The following DHTKD1 variants were observed in gnomAD, a reference collection of about 807,000 sequenced individuals.
DHTKD1 encodes dehydrogenase E1 and transketolase domain containing 1, also known as 2-oxoadipate dehydrogenase complex component E1.
Under a neutral mutation model 101.8 loss-of-function variants are expected in DHTKD1, and 78 were observed. The observed-to-expected ratio is 0.77, with a 90% CI of 0.64 to 0.93. The LOEUF (loss-of-function observed/expected upper bound fraction) is 0.93. DHTKD1 is among the 40% of genes least tolerant of loss of function. The pLI is 0.00. For missense variants in DHTKD1, 1,223 were observed against 1,161.7 expected, an observed-to-expected ratio of 1.05 and a Z score of -0.77; for synonymous variants, 462 against 450.3, an observed-to-expected ratio of 1.03 and a Z score of -0.33.
rs1255877300 is a variant in DHTKD1 at position 12,123,099 on chromosome 10, A to G, written c.*2211A>G. The G allele has an allele frequency of 1.3e-5, 2 of 152,200 alleles. No homozygotes were observed. 9.4% of individuals were successfully genotyped at this position (152,200 alleles called of 1,614,324 possible). On this transcript the variant is annotated 3_prime_UTR_variant, in exon 17 of 17. Coordinates refer to ENST00000263035, the MANE Select transcript of DHTKD1 (RefSeq NM_018706.7). ...CTTCCTGTGTCAAGCCTTATAAATC[A>G]TGTAATTTAGTGCCACTCATGTAAA...
chr10:12,085,653 C>T (rs946782438), intron 3 of DHTKD1, among the ~76,000 whole-genome samples: 2 of 151,988 alleles, frequency 1.3e-5, no homozygotes, highest in African/African-American at 2.4e-5. Context: ...CTTAGGTGGG[C>T]GTATTGCTTG....
Position 12,121,260 on chromosome 10 carries a change from C to T in DHTKD1, c.*372C>T. 1 of 218,716 alleles carries T rather than the reference C, an allele frequency of 4.6e-6. No homozygotes were observed. The highest frequency in any genetic ancestry group is 9.3e-6 in the Non-Finnish European group (1 of 107,754). 13.5% of individuals were successfully genotyped at this position (218,716 alleles called of 1,614,324 possible). On this transcript the variant is annotated 3_prime_UTR_variant, in exon 17 of 17. Transcript: ENST00000263035. ...AAAACCCATTAAAAGAGGCCTCCTT[C>T]CTCCACTCTCTCAACCCCTCTGTTG...
chr10:12,078,605 C>T (rs898543706), intron 1 of DHTKD1, among the ~76,000 whole-genome samples: 6 of 152,152 alleles, frequency 3.9e-5, no homozygotes, highest in Middle Eastern at 3.4e-3. Context: ...AGTGAGACTC[C>T]GTCTCAAAAA....
rs201559023 is a variant in DHTKD1, at chr10:12,097,707, C to T, written c.1382C>T (p.Thr461Ile). ...IIRARKSIPDTYAEHLIAGGL... is the reference protein window; with the variant it reads ...IIRARKSIPDIYAEHLIAGGL... ...AGAGCTCGAAAGAGCATTCCAGACA[C>T]ATATGCAGAGCACCTCATTGCTGGC... The change falls in exon 8 of 17, where the codon ACA (threonine) becomes ATA (isoleucine). Residue 461 changes from threonine (T) to isoleucine (I), a missense_variant. Transcript: ENST00000263035. The T allele has an allele frequency of 1.9e-6, 3 of 1,613,486 alleles. No individual in the cohort carries two copies. The highest frequency in any genetic ancestry group is 8.5e-7 in the Non-Finnish European group (1 of 1,179,634).
In DHTKD1 at chr10:12,118,863, C is replaced by A. The variant is rs1376782934; in HGVS notation, c.2517C>A (p.Cys839Ter). Residue 839 changes from cysteine (C) to a stop codon, truncating the protein, a stop_gained, in exon 15 of 17, where the codon TGC becomes TGA. Transcript: ENST00000263035. LOFTEE classifies it high-confidence loss of function. ...DFAIIRVEELCPFPLDSLQQE... is the reference protein window; with the variant it reads ...DFAIIRVEEL The stretch of plus-strand genomic sequence containing the variant: ...CCATCATCCGAGTAGAGGAACTCTG[C>A]CCCTTCCCGTTGGATTCTTTACAGC... 2 of 1,607,416 alleles carry A rather than the reference C, an allele frequency of 1.2e-6. No homozygotes were observed. Among genetic ancestry groups the A allele is most frequent in the East Asian group, 4.5e-5 (2 of 44,290 alleles).
At chr10:12,091,735 T>G in intron 6 of DHTKD1, 51 bp downstream of exon 6, 113 of 1,485,442 alleles carry the variant, frequency 7.6e-5, no homozygotes, top group Non-Finnish European at 9.6e-5. Context: ...ATGGAATTCC[T>G]AGGGAAACCT....
At chr10:12,093,011 G>A (rs990720570) in intron 6 of DHTKD1, among the ~76,000 whole-genome samples, 1 of 151,156 alleles carries the variant, frequency 6.6e-6, no homozygotes, top group East Asian at 1.9e-4. Flanking sequence ...CTTAGTAGCT[G>A]CGATTTACAG....
Position 12,088,968 on chromosome 10 carries a change from TGAA to T in DHTKD1, c.718-17_718-15del. 6.2e-7 allele frequency: 1 copy of T among 1,601,732 alleles called. No homozygotes were observed. The highest frequency in any genetic ancestry group is 8.5e-7 in the Non-Finnish European group (1 of 1,171,142). On this transcript the variant is annotated splice_polypyrimidine_tract_variant and intron_variant, in intron 4 of 16. Coordinates refer to ENST00000263035, the MANE Select transcript of DHTKD1 (RefSeq NM_018706.7). ...GTGATGAATGCCATTTTTTTCCTTT[TGAA>T]TGTATCCACAATAGCTGATGTTCCG...
intron 7 of DHTKD1, among the ~76,000 whole-genome samples, chr10:12,095,676 G>T (rs1400785469): frequency 2.0e-5 from 3 of 151,838 alleles, no homozygotes; most frequent in African/African-American, 4.8e-5. Flanking sequence ...AGCCGGGCGT[G>T]GTGGCGGGCG....
intron 13 of DHTKD1, among the ~76,000 whole-genome samples, chr10:12,115,755 G>T (rs954592974): frequency 2.0e-5 from 3 of 152,036 alleles, no homozygotes; most frequent in Non-Finnish European, 4.4e-5. Flanking sequence ...CCATTTTTCT[G>T]ATGGGGCTCT....
intron 1 of DHTKD1, among the ~76,000 whole-genome samples, chr10:12,077,881 C>G (rs753531297): frequency 2.5e-4 from 37 of 147,990 alleles, no homozygotes; most frequent in Non-Finnish European, 4.5e-4. Context: ...GAGGTGGAGA[C>G]AGAGAGGGAA....
At chr10:12,099,611 C>T (rs1314883920) in intron 8 of DHTKD1, among the ~76,000 whole-genome samples, 2 of 152,018 alleles carry the variant, frequency 1.3e-5, no homozygotes, top group Non-Finnish European at 2.9e-5. Flanking sequence ...TCACTTGAAC[C>T]AGGGAGGCTG....
intron 12 of DHTKD1, among the ~76,000 whole-genome samples, chr10:12,111,575 T>C (rs1833331166): frequency 6.6e-6 from 1 of 152,196 alleles, no homozygotes; most frequent in African/African-American, 2.4e-5. Flanking sequence ...CTGAGTGATT[T>C]CCTTGCATTG....
At chr10:12,090,694 C>T (rs1832978081) in intron 5 of DHTKD1, among the ~76,000 whole-genome samples, 1 of 151,944 alleles carries the variant, frequency 6.6e-6, no homozygotes, top group Admixed American at 6.6e-5. Context: ...GCTGGGTTGG[C>T]CAAGCTGGTT....
At chr10:12,095,982 C>G (rs1472241201) in intron 7 of DHTKD1, among the ~76,000 whole-genome samples, 4 of 152,086 alleles carry the variant, frequency 2.6e-5, no homozygotes, top group Admixed American at 6.6e-5. Flanking sequence ...GCATTCCAGC[C>G]TGGGCGACAG....
At chr10:12,104,724 T>G (rs904048406) in intron 10 of DHTKD1, among the ~76,000 whole-genome samples, 3 of 152,078 alleles carry the variant, frequency 2.0e-5, no homozygotes, top group Non-Finnish European at 2.9e-5. Flanking sequence ...TTTTCCATCT[T>G]GAACCATCTG....
intron 1 of DHTKD1, among the ~76,000 whole-genome samples, chr10:12,080,421 A>C (rs1285999359): frequency 6.6e-6 from 1 of 151,992 alleles, no homozygotes; most frequent in Non-Finnish European, 1.5e-5. Context: ...TATAAGTTTT[A>C]AAATATGTGG....
At position 12,097,988 on chromosome 10, in the gene DHTKD1, C is replaced by T; in HGVS notation, c.1663C>T (p.His555Tyr). Residue 555 changes from histidine (H) to tyrosine (Y), a missense_variant, in exon 8 of 17, where the codon CAT becomes TAT. His to Tyr is a moderately conservative substitution (Grantham distance 83). Coordinates refer to ENST00000263035, the MANE Select transcript of DHTKD1 (RefSeq NM_018706.7). ...GATGCACAGTCACCTGCTGAAGACA[C>T]ATGTTCAGGTGGGCAGCCTCCAAAT... Reference protein sequence around the residue: ...LQMHSHLLKTHVQSRMEKMMD... With the variant: ...LQMHSHLLKTYVQSRMEKMMD... 1 of 1,603,314 alleles carries T rather than the reference C, an allele frequency of 6.2e-7. No homozygotes were observed. The highest frequency in any genetic ancestry group is 8.5e-7 in the Non-Finnish European group (1 of 1,172,154).
At chr10:12,071,875 G>C (rs563399456) in intron 1 of DHTKD1, among the ~76,000 whole-genome samples, 1 of 152,152 alleles carries the variant, frequency 6.6e-6, no homozygotes, top group African/African-American at 2.4e-5. Context: ...TTCTATATAC[G>C]CAATTTATTT....
Sources: gnomAD v4.1 joint callset for allele counts (sites outside exome capture counted in the v4.1 genomes callset) on GRCh38, gnomAD v4.1.1 for gene constraint, MANE v1.5 for transcripts, NCBI Gene and HGNC (gene_info 2026-07-23, HGNC 2026-07-21) for gene names.